PBX4: variants seen among roughly 807,000 people sequenced by gnomAD.
The protein encoded by PBX4 is pre-B-cell leukemia transcription factor 4.
A neutral mutation model predicts 35.1 loss-of-function variants in PBX4; 26 were observed. The ratio of observed to expected loss-of-function variants is 0.74; its 90% confidence interval spans 0.54 to 1.03. PBX4 has a LOEUF of 1.03. PBX4 is among the 50% of genes least tolerant of loss of function. The pLI is 0.00. For missense variants in PBX4, 448 were observed against 504.3 expected, an observed-to-expected ratio of 0.89 and a Z score of 1.07; for synonymous variants, 199 against 204.2, an observed-to-expected ratio of 0.97 and a Z score of 0.22.
chr19:19,574,157 G>A (rs768700986), intron 2 of PBX4, among the ~76,000 whole-genome samples: 3 of 152,156 alleles, frequency 2.0e-5, no homozygotes, highest in Admixed American at 6.5e-5. Context: ...GATTATAAGC[G>A]TGAGCCACCG....
chr19:19,582,492 G>A (rs1253716706), intron 2 of PBX4, among the ~76,000 whole-genome samples: 3 of 152,094 alleles, frequency 2.0e-5, no homozygotes, highest in Non-Finnish European at 4.4e-5. Flanking sequence ...ATCCAGGAGA[G>A]CCCAGTCACT....
intron 2 of PBX4, among the ~76,000 whole-genome samples, chr19:19,574,216 T>C (rs2061405216): frequency 1.3e-5 from 2 of 152,156 alleles, no homozygotes; most frequent in South Asian, 4.1e-4. Flanking sequence ...TGAAAAATCA[T>C]CACCAGGAAT....
intron 2 of PBX4, among the ~76,000 whole-genome samples, chr19:19,585,703 GATC>G (rs2061484674): frequency 6.6e-6 from 1 of 152,180 alleles, no homozygotes; most frequent in African/African-American, 2.4e-5. Context: ...CACCCTAACT[GATC>G]AATGTACTTT....
chr19:19,587,053 G>A (rs1283000518), intron 2 of PBX4, among the ~76,000 whole-genome samples: 1 of 151,934 alleles, frequency 6.6e-6, no homozygotes, highest in African/African-American at 2.4e-5. Flanking sequence ...TGCCCAGGCT[G>A]GAGTGCAGTG....
At chr19:19,613,352 T>C (rs547185845) in intron 1 of PBX4, among the ~76,000 whole-genome samples, 19 of 149,144 alleles carry the variant, frequency 1.3e-4, no homozygotes, top group Admixed American at 4.8e-4. Context: ...CCTGTAATCT[T>C]AGCTACTCGG....
intron 2 of PBX4, among the ~76,000 whole-genome samples, chr19:19,574,156 C>T (rs1192336590): frequency 1.3e-5 from 2 of 152,196 alleles, no homozygotes; most frequent in Admixed American, 6.5e-5. Flanking sequence ...GGATTATAAG[C>T]GTGAGCCACC....
chr19:19,609,187 C>G (rs2061648328), intron 1 of PBX4, among the ~76,000 whole-genome samples: 1 of 152,084 alleles, frequency 6.6e-6, no homozygotes, highest in Admixed American at 6.6e-5. Context: ...CCTCAGAGTT[C>G]AATAGAGCAT....
intron 2 of PBX4, among the ~76,000 whole-genome samples, chr19:19,586,677 GGCTCCT>G (rs1282574025): frequency 6.6e-6 from 1 of 151,990 alleles, no homozygotes; most frequent in Non-Finnish European, 1.5e-5. Flanking sequence ...CGGGCATGAT[GGCTCCT>G]GCCTGTAATC....
At chr19:19,588,185 TG>T in intron 2 of PBX4, 1 of 1,328,958 alleles carries the variant, frequency 7.5e-7, no homozygotes, top group Non-Finnish European at 1.1e-6. Context: ...ATTCTTCTCC[TG>T]GATGGTGCAC....
At chr19:19,581,477 G>T (rs1021708712) in intron 2 of PBX4, among the ~76,000 whole-genome samples, 1 of 152,236 alleles carries the variant, frequency 6.6e-6, no homozygotes, top group Admixed American at 6.5e-5. Flanking sequence ...TCTGTAGGAT[G>T]CCTGCTTCCC....
chr19:19,601,384 T>C (rs1020076935), intron 1 of PBX4, among the ~76,000 whole-genome samples: 8 of 152,086 alleles, frequency 5.3e-5, no homozygotes, highest in African/African-American at 1.9e-4. Context: ...GACTGGCAAG[T>C]GGAGATTGAC....
At chr19:19,611,603 C>T (rs960430378) in intron 1 of PBX4, among the ~76,000 whole-genome samples, 1 of 148,278 alleles carries the variant, frequency 6.7e-6, no homozygotes, top group Non-Finnish European at 1.5e-5. Context: ...CACTTGAACC[C>T]AGGGGGCAGA....
At chr19:19,568,432 ATCTGTATC>A (rs2061358285) in intron 5 of PBX4, among the ~76,000 whole-genome samples, 1 of 139,374 alleles carries the variant, frequency 7.2e-6, no homozygotes, top group Non-Finnish European at 1.6e-5. Context: ...CTCACACTCC[ATCTGTATC>A]CCTCAGGGAG....
chr19:19,579,991 T>C (rs191675719), intron 2 of PBX4: 6 of 152,398 alleles, frequency 3.9e-5, no homozygotes, highest in Non-Finnish European at 8.8e-5. Flanking sequence ...GATTAAACTG[T>C]GGAATCTGGG....
chr19:19,578,905 C>T (rs1301294754), intron 2 of PBX4, among the ~76,000 whole-genome samples: 1 of 152,084 alleles, frequency 6.6e-6, no homozygotes, highest in Non-Finnish European at 1.5e-5. Context: ...TCAGGGAGCT[C>T]GCTTTCCCTA....
chr19:19,587,839 A>G (rs1292618149), intron 2 of PBX4, among the ~76,000 whole-genome samples: 1 of 151,868 alleles, frequency 6.6e-6, no homozygotes, highest in Non-Finnish European at 1.5e-5. Context: ...AATTCAAGAA[A>G]AAACATTAAT....
At position 19,563,996 on chromosome 19, in the gene PBX4, T is replaced by A. The variant is rs111638025; in HGVS notation, c.926-381A>T. Among the ~76,000 whole-genome samples the A allele has an allele frequency of 0.063, 9,532 of 152,044 alleles. 673 individuals carry two copies. The highest frequency in any genetic ancestry group is 0.17 in the African/African-American group (6,841 of 41,456). ...ATAATTTGTTTTTTCTTTCTTTTTT[T>A]TTATTATTATTATACTTTAAGTTTT... On this transcript the variant is annotated intron_variant, in intron 6 of 7. Transcript: ENST00000251203. The surrounding 1 kb of genome is among the most constrained non-coding windows in gnomAD (Gnocchi z 5.1).
At chr19:19,612,507 A>T (rs2061667869) in intron 1 of PBX4, among the ~76,000 whole-genome samples, 1 of 152,180 alleles carries the variant, frequency 6.6e-6, no homozygotes, top group Non-Finnish European at 1.5e-5. Flanking sequence ...TCACAGGATC[A>T]GTTGATCAGA....
At chr19:19,604,347 C>G (rs2061615906) in intron 1 of PBX4, among the ~76,000 whole-genome samples, 2 of 150,432 alleles carry the variant, frequency 1.3e-5, no homozygotes, top group African/African-American at 4.9e-5. Flanking sequence ...TGGTGTACAC[C>G]TGTAATCCCA....
Sources: gnomAD v4.1 joint callset for allele counts (sites outside exome capture counted in the v4.1 genomes callset) on GRCh38, gnomAD v4.1.1 for gene constraint, Gnocchi (gnomAD v3.1) non-coding constraint, MANE v1.5 for transcripts, NCBI Gene and HGNC (gene_info 2026-07-23, HGNC 2026-07-21) for gene names.